The following PXK variants were observed in gnomAD, a reference collection of about 807,000 sequenced individuals.
PXK encodes the protein PX domain-containing protein kinase-like protein.
In PXK, 35 loss-of-function variants were observed where a neutral mutation model predicts 84.7. The ratio of observed to expected loss-of-function variants is 0.41; its 90% CI spans 0.32 to 0.55. PXK has a LOEUF of 0.55. PXK is among the 20% of genes least tolerant of loss of function. The pLI is 0.21. For synonymous variants in PXK, 253 were observed against 260.8 expected, an observed-to-expected ratio of 0.97 and a Z score of 0.29; for missense variants, 634 against 699.7, an observed-to-expected ratio of 0.91 and a Z score of 1.06.
chr3:58,397,333 A>G lies in PXK; in HGVS notation c.984+133A>G, dbSNP rs941463969. The G allele has an allele frequency of 1.8e-5, 20 of 1,119,084 alleles. No homozygotes were observed. In the African/African-American group the frequency reaches 3.1e-4, roughly 17 times the overall value. 69.3% of individuals were successfully genotyped at this position (1,119,084 alleles called of 1,614,324 possible). On this transcript the variant is annotated intron_variant, in intron 10 of 17. Coordinates refer to ENST00000356151, the MANE Select transcript of PXK (RefSeq NM_017771.5). This position sits in a 1 kb window ranked among gnomAD's most constrained non-coding sequence, Gnocchi z 4.7. ...ACAGGCCTTGCCCGTCAGCCCTTGC[A>G]GCGTTGCTGTATCTCTGGGAGGCTG... is the stretch of plus-strand genomic sequence containing the variant.
intron 4 of PXK, 136 bp downstream of exon 4, chr3:58,382,836 C>T: frequency 1.6e-6 from 1 of 609,886 alleles, no homozygotes; most frequent in Non-Finnish European, 2.5e-6. Flanking sequence ...TATGAATTTA[C>T]TAAGATTTTC....
At chr3:58,423,431 G>T in intron 17 of PXK, 1 of 1,522,196 alleles carries the variant, frequency 6.6e-7, no homozygotes, top group Admixed American at 2.0e-5. Flanking sequence ...GAGCATGAGC[G>T]TGTGTATTTG....
intron 17 of PXK, among the ~76,000 whole-genome samples, chr3:58,418,896 A>G (rs556654844): frequency 6.6e-6 from 1 of 152,336 alleles, no homozygotes; most frequent in South Asian, 2.1e-4. Context: ...TTAAAATTCA[A>G]CTCGCAAAAC....
rs907974704 is a variant in PXK, at chr3:58,385,542, A to G, written c.388+2842A>G. Among the ~76,000 whole-genome samples, 1 of 152,212 alleles carries G rather than the reference A, an allele frequency of 6.6e-6. No homozygotes were observed. Among genetic ancestry groups the G allele is most frequent in the East Asian group, 1.9e-4 (1 of 5,190 alleles). ...GAGCAAGGGTCTCACTCTGTTGCCC[A>G]GGCTGGAGCGCAGTGGCACTATCCC... On this transcript the variant is annotated intron_variant, in intron 4 of 17. Coordinates refer to ENST00000356151, the MANE Select transcript of PXK (RefSeq NM_017771.5). The surrounding 1 kb of genome is among the most constrained non-coding windows in gnomAD (Gnocchi z 5.1).
chr3:58,369,144 A>T (rs2098325335), intron 2 of PXK, among the ~76,000 whole-genome samples: 1 of 152,210 alleles, frequency 6.6e-6, no homozygotes, highest in African/African-American at 2.4e-5. Context: ...AGACAATTGA[A>T]GGGCTGTTTG....
intron 8 of PXK, among the ~76,000 whole-genome samples, chr3:58,395,334 T>C (rs113952200): frequency 0.018 from 2,771 of 152,318 alleles, 83 homozygotes; most frequent in African/African-American, 0.063. Flanking sequence ...GTCCATTACA[T>C]GGCAAGCTGT....
intron 3 of PXK, among the ~76,000 whole-genome samples, chr3:58,373,922 G>A (rs972788413): frequency 1.3e-5 from 2 of 151,746 alleles, no homozygotes; most frequent in Non-Finnish European, 2.9e-5. Context: ...GCCGGCGCCT[G>A]TAGTCCCAGC....
In PXK at chr3:58,412,830, G is replaced by A; in HGVS notation, c.1466-71G>A. ...AATGTAGATTCTCAGACAGCAGTGG[G>A]TCCCAGCCTGGGCCAAATTCCAAAT... On this transcript the variant is annotated intron_variant, in intron 16 of 17. Coordinates refer to ENST00000356151, the MANE Select transcript of PXK (RefSeq NM_017771.5). The surrounding 1 kb of genome is among the most constrained non-coding windows in gnomAD (Gnocchi z 6.2). 6.7e-7 allele frequency: 1 copy of A among 1,498,880 alleles called. No homozygotes were observed. Among genetic ancestry groups the A allele is most frequent in the Non-Finnish European group, 9.3e-7 (1 of 1,075,474 alleles). 92.8% of individuals were successfully genotyped at this position (1,498,880 alleles called of 1,614,324 possible). A position where few individuals can be genotyped will look rare whatever the true frequency, so the allele number is the denominator to read the frequency against.
At chr3:58,418,328 C>T (rs995837311) in intron 17 of PXK, among the ~76,000 whole-genome samples, 1 of 152,204 alleles carries the variant, frequency 6.6e-6, no homozygotes, top group Non-Finnish European at 1.5e-5. Flanking sequence ...GTCCATTTTA[C>T]AGTTGAAACT....
rs1045420085 is a variant in PXK, at chr3:58,409,981, G to A, written c.1396-109G>A. The A allele has an allele frequency of 1.1e-5, 8 of 698,438 alleles. No individual in the cohort carries two copies. Among genetic ancestry groups the A allele is most frequent in the Admixed American group, 9.5e-5 (4 of 42,096 alleles). The allele number at this position is 698,438 out of a possible 1,614,324, so 43.3% of individuals were successfully genotyped here. ...GGGGCTGAATATTACCTTGTCTGCA[G>A]CTAGTTTAATGGTATGCCTGGAAAA... is the stretch of plus-strand genomic sequence containing the variant. On this transcript the variant is annotated intron_variant, in intron 15 of 17. Transcript: ENST00000356151. This position sits in a 1 kb window ranked among gnomAD's most constrained non-coding sequence, Gnocchi z 4.2.
At chr3:58,381,555 CAAAAAAAA>C (rs34125797) in intron 3 of PXK, among the ~76,000 whole-genome samples, 1 of 120,918 alleles carries the variant, frequency 8.3e-6, no homozygotes, top group Non-Finnish European at 1.6e-5. Context: ...AATAGAAAAC[CAAAAAAAA>C]AAAAAAAAAA....
intron 3 of PXK, among the ~76,000 whole-genome samples, chr3:58,380,032 A>G (rs2098482961): frequency 1.3e-5 from 2 of 152,128 alleles, no homozygotes; most frequent in Admixed American, 6.6e-5. Context: ...GGAGCAGTCC[A>G]GGAAGTCCAA....
chr3:58,366,969 G>A (rs2098281338), intron 2 of PXK, among the ~76,000 whole-genome samples: 1 of 152,130 alleles, frequency 6.6e-6, no homozygotes, highest in Non-Finnish European at 1.5e-5. Context: ...ACTTTTTGAT[G>A]TATATTTGGC....
intron 17 of PXK, chr3:58,420,567 C>T (rs1400401408): frequency 9.8e-6 from 15 of 1,535,870 alleles, no homozygotes; most frequent in East Asian, 2.4e-5. Context: ...CGTGAATTTT[C>T]GGTAAAGTAA....
intron 1 of PXK, among the ~76,000 whole-genome samples, chr3:58,357,265 C>T (rs1034786196): frequency 6.0e-5 from 9 of 150,994 alleles, no homozygotes; most frequent in African/African-American, 1.2e-4. Context: ...GGCAACAGAG[C>T]GAGACTCTGT....
At position 58,425,055 on chromosome 3, in the gene PXK, G is replaced by A; in HGVS notation, c.*95G>A. The A allele has an allele frequency of 6.7e-7, 1 of 1,498,394 alleles. No homozygotes were observed. Among genetic ancestry groups the A allele is most frequent in the Non-Finnish European group, 9.0e-7 (1 of 1,113,252 alleles). The allele number at this position is 1,498,394 out of a possible 1,614,324, so 92.8% of individuals were successfully genotyped here. On this transcript the variant is annotated 3_prime_UTR_variant, in exon 18 of 18. Coordinates refer to ENST00000356151, the MANE Select transcript of PXK (RefSeq NM_017771.5). The stretch of plus-strand genomic sequence containing the variant: ...CTCTTCCTGGGAAAGTAATTGCTGA[G>A]CCAGTACAGCCACAAACAGTACTAT...
chr3:58,388,962 T>C (rs2098595491), intron 4 of PXK, among the ~76,000 whole-genome samples: 1 of 152,008 alleles, frequency 6.6e-6, no homozygotes, highest in Admixed American at 6.6e-5. Flanking sequence ...AGGATTGCTG[T>C]TTGCTTTCAG....
intron 4 of PXK, among the ~76,000 whole-genome samples, chr3:58,388,076 T>G (rs956632696): frequency 6.6e-6 from 1 of 152,124 alleles, no homozygotes; most frequent in African/African-American, 2.4e-5. Flanking sequence ...GGAGTAGATG[T>G]TTAGGACTGA....
intron 1 of PXK, among the ~76,000 whole-genome samples, chr3:58,336,065 ATATATATTTT>A (rs1396939773): frequency 7.5e-4 from 43 of 57,136 alleles, no homozygotes; most frequent in African/African-American, 2.5e-3. Context: ...ATATATATAT[ATATATATTTT>A]TTTTTTTTTT....
Sources: allele counts gnomAD v4.1 joint callset (sites outside exome capture counted in the v4.1 genomes callset), GRCh38; gene constraint gnomAD v4.1.1; non-coding constraint Gnocchi (gnomAD v3.1); transcripts MANE v1.5; gene names NCBI Gene and HGNC (gene_info 2026-07-23, HGNC 2026-07-21).